Variants in LHFPL6 observed in about 807,000 individuals in gnomAD.
LHFPL6 encodes the protein LHFPL tetraspan subfamily member 6 protein.
LHFPL6 carries 9 observed loss-of-function variants against 20.6 expected under a neutral mutation model. The observed-to-expected ratio is 0.44, with a 90% CI of 0.26 to 0.76. The LOEUF is 0.76. LHFPL6 is among the 30% of genes least tolerant of loss of function. The pLI, the probability that LHFPL6 is intolerant of heterozygous loss-of-function variation, is 0.20. For missense variants in LHFPL6, 218 were observed against 253.5 expected, an observed-to-expected ratio of 0.86 and a Z score of 0.95; for synonymous variants, 105 against 98.7, an observed-to-expected ratio of 1.06 and a Z score of -0.38.
chr13:39,499,417 C>T (rs1169034341), intron 2 of LHFPL6, among the ~76,000 whole-genome samples: 1 of 152,200 alleles, frequency 6.6e-6, no homozygotes, highest in Non-Finnish European at 1.5e-5. Context: ...CCTCAGTCCT[C>T]TCCTCCCTTC....
chr13:39,437,402 T>C (rs1334036030), intron 2 of LHFPL6, among the ~76,000 whole-genome samples: 6 of 152,160 alleles, frequency 3.9e-5, no homozygotes, highest in Admixed American at 2.6e-4. Context: ...TAAAAGTATA[T>C]AGCACCTCCC....
intron 2 of LHFPL6, among the ~76,000 whole-genome samples, chr13:39,399,649 A>G (rs1441193174): frequency 6.6e-6 from 1 of 152,250 alleles, no homozygotes; most frequent in Non-Finnish European, 1.5e-5. Context: ...CGCTGTGGAA[A>G]GCAAAGAAAT....
At chr13:39,389,078 T>A (rs1221431259) in intron 2 of LHFPL6, among the ~76,000 whole-genome samples, 2 of 152,148 alleles carry the variant, frequency 1.3e-5, no homozygotes, top group African/African-American at 4.8e-5. Flanking sequence ...CAATACACTA[T>A]CTCCTGCAAA....
intron 2 of LHFPL6, among the ~76,000 whole-genome samples, chr13:39,502,914 A>G (rs1320523030): frequency 6.6e-6 from 1 of 152,056 alleles, no homozygotes; most frequent in Non-Finnish European, 1.5e-5. Flanking sequence ...TATTTTAGAG[A>G]CAAGGTCTTG....
At chr13:39,506,181 A>G (rs1869471812) in intron 2 of LHFPL6, among the ~76,000 whole-genome samples, 1 of 152,226 alleles carries the variant, frequency 6.6e-6, no homozygotes, top group Admixed American at 6.5e-5. Flanking sequence ...ATGATTTCCA[A>G]TATTCAGCTC....
chr13:39,512,906 G>T (rs1327454782), intron 2 of LHFPL6, among the ~76,000 whole-genome samples: 1 of 152,264 alleles, frequency 6.6e-6, no homozygotes, highest in East Asian at 1.9e-4. Context: ...AGGCTTGAAA[G>T]ACGTGCCCAG....
At chr13:39,423,460 G>T (rs971875750) in intron 2 of LHFPL6, among the ~76,000 whole-genome samples, 2 of 151,432 alleles carry the variant, frequency 1.3e-5, no homozygotes, top group Non-Finnish European at 2.9e-5. Flanking sequence ...TGTCACTCTT[G>T]TTGCCCAGGC....
At chr13:39,400,740 G>A (rs1377541673) in intron 2 of LHFPL6, among the ~76,000 whole-genome samples, 68 of 111,556 alleles carry the variant, frequency 6.1e-4, no homozygotes, top group African/African-American at 2.0e-3. Flanking sequence ...CCGAGATCCC[G>A]CCACTGCACT....
At chr13:39,549,080 T>C (rs966505970) in intron 2 of LHFPL6, among the ~76,000 whole-genome samples, 3 of 152,094 alleles carry the variant, frequency 2.0e-5, no homozygotes, top group South Asian at 4.1e-4. Context: ...AACAACCCTA[T>C]TACAAAATGA....
chr13:39,353,261 C>T (rs1374097502), intron 3 of LHFPL6, among the ~76,000 whole-genome samples: 1 of 150,804 alleles, frequency 6.6e-6, no homozygotes, highest in East Asian at 2.1e-4. Flanking sequence ...GCTGAGATTA[C>T]AGGCGTAAGC....
chr13:39,404,355 C>T (rs1871063159), intron 2 of LHFPL6, among the ~76,000 whole-genome samples: 1 of 152,150 alleles, frequency 6.6e-6, no homozygotes, highest in South Asian at 2.1e-4. Context: ...TTTGGGTGTA[C>T]AGTCCTTCCA....
chr13:39,548,106 T>C (rs1211489211), intron 2 of LHFPL6, among the ~76,000 whole-genome samples: 1 of 152,072 alleles, frequency 6.6e-6, no homozygotes, highest in African/African-American at 2.4e-5. Context: ...CAAAGTATTA[T>C]AAAGGACTGC....
intron 2 of LHFPL6, among the ~76,000 whole-genome samples, chr13:39,410,718 G>T (rs938384897): frequency 3.9e-5 from 6 of 152,166 alleles, no homozygotes; most frequent in African/African-American, 1.4e-4. Flanking sequence ...AAACCTCCCA[G>T]AGGACACCCC....
intron 2 of LHFPL6, among the ~76,000 whole-genome samples, chr13:39,557,479 T>C (rs1014329846): frequency 6.6e-6 from 1 of 152,102 alleles, no homozygotes; most frequent in African/African-American, 2.4e-5. Flanking sequence ...AAATGTGGGG[T>C]TGGAACCCCA....
intron 2 of LHFPL6, among the ~76,000 whole-genome samples, chr13:39,533,567 T>G (rs1048613796): frequency 2.6e-5 from 4 of 152,302 alleles, no homozygotes; most frequent in African/African-American, 9.6e-5. Flanking sequence ...ACTCCCTAGC[T>G]TGGATGCTGA....
At chr13:39,495,602 G>T in intron 2 of LHFPL6, among the ~76,000 whole-genome samples, 1 of 132,490 alleles carries the variant, frequency 7.5e-6, no homozygotes, top group African/African-American at 2.6e-5. Flanking sequence ...ACCATACTAG[G>T]CTTTTTTTTT....
intron 2 of LHFPL6, among the ~76,000 whole-genome samples, chr13:39,454,705 A>G (rs2138423793): frequency 6.6e-6 from 1 of 151,790 alleles, no homozygotes; most frequent in South Asian, 2.1e-4. Context: ...TGGTTTTGGT[A>G]CTTAGGTCTT....
At chr13:39,368,986 T>C (rs967392395) in intron 3 of LHFPL6, among the ~76,000 whole-genome samples, 5 of 151,154 alleles carry the variant, frequency 3.3e-5, no homozygotes, top group Non-Finnish European at 7.4e-5. Flanking sequence ...TGAGAACACA[T>C]AATACAAAAA....
intron 2 of LHFPL6, among the ~76,000 whole-genome samples, chr13:39,511,258 C>T (rs146348138): frequency 3.4e-4 from 52 of 152,216 alleles, no homozygotes; most frequent in Middle Eastern, 6.8e-3. Flanking sequence ...ATCCACTTTC[C>T]AATTTTTCAA....
Sources: allele counts gnomAD v4.1 joint callset (sites outside exome capture counted in the v4.1 genomes callset), GRCh38; gene constraint gnomAD v4.1.1; transcripts MANE v1.5; gene names NCBI Gene and HGNC (gene_info 2026-07-23, HGNC 2026-07-21).